Variants in DCLK1 observed in about 807,000 individuals in gnomAD.
DCLK1 encodes doublecortin like kinase 1.
In DCLK1, 16 loss-of-function variants were observed where a neutral mutation model predicts 86.2. That is an observed-to-expected ratio of 0.19 (90% CI 0.13 to 0.28). The LOEUF (loss-of-function observed/expected upper bound fraction) is 0.28, where lower values mean the gene tolerates loss of function less well. DCLK1 is among the 10% of genes least tolerant of loss of function. The pLI is 1.00. For missense variants in DCLK1, 590 were observed against 940.2 expected (o/e 0.63, Z 4.87); for synonymous variants, 369 against 370.5 (o/e 1.00, Z 0.05).
At position 35,786,063 on chromosome 13, in the gene DCLK1, AAG is replaced by A. The variant is rs543968748; in HGVS notation, c.2058+7301_2058+7302del. 1.1e-4 allele frequency among the ~76,000 whole-genome samples: 17 copies of A among 152,260 alleles called. No homozygotes were observed. In the South Asian group the frequency reaches 3.5e-3, roughly 32 times the overall value. On this transcript the variant is annotated intron_variant, in intron 16 of 16. Transcript: ENST00000360631. ...AGAGCACTTTATGTGCGCAAGAAAA[AAG>A]AGATTATCTCCCATCTGCTCCTGCC...
intron 6 of DCLK1, chr13:35,847,861 A>G (rs1870327167): frequency 1.0e-6 from 1 of 985,304 alleles, no homozygotes; most frequent in Non-Finnish European, 1.2e-6. Flanking sequence ...TTAAAATTCT[A>G]TGGCAGTACA....
chr13:35,873,215 T>C (rs78718056), intron 4 of DCLK1, among the ~76,000 whole-genome samples: 1 of 151,918 alleles, frequency 6.6e-6, no homozygotes, highest in Non-Finnish European at 1.5e-5. Flanking sequence ...GGAGAATCAC[T>C]TGAATCTGGA....
intron 5 of DCLK1, among the ~76,000 whole-genome samples, chr13:35,870,803 G>C (rs947193150): frequency 6.6e-6 from 1 of 152,044 alleles, no homozygotes; most frequent in Non-Finnish European, 1.5e-5. Context: ...TTTAGCTCCA[G>C]AGCCATGAAA....
At chr13:36,121,556 A>T (rs1299104022) in intron 2 of DCLK1, among the ~76,000 whole-genome samples, 1 of 149,168 alleles carries the variant, frequency 6.7e-6, no homozygotes, top group African/African-American at 2.5e-5. Flanking sequence ...TAATTGTTCC[A>T]TTGTATTTGT....
chr13:35,818,793 T>C (rs2087328054), intron 11 of DCLK1, among the ~76,000 whole-genome samples: 2 of 151,852 alleles, frequency 1.3e-5, no homozygotes, highest in African/African-American at 2.4e-5. Context: ...GTATTAATTT[T>C]TTTTTTTTTA....
chr13:35,950,351 C>CA (rs1293918911), intron 3 of DCLK1, among the ~76,000 whole-genome samples: 1 of 152,162 alleles, frequency 6.6e-6, no homozygotes. Flanking sequence ...GAAAGAATAA[C>CA]AGAGGGAGAT....
At chr13:36,089,185 CT>C (rs760797902) in intron 3 of DCLK1, among the ~76,000 whole-genome samples, 1 of 152,136 alleles carries the variant, frequency 6.6e-6, no homozygotes, top group Admixed American at 6.5e-5. Context: ...TTCAATGGGC[CT>C]GATTTCTGCC....
At chr13:35,838,973 A>C (rs1263184442) in intron 7 of DCLK1, 119 bp downstream of exon 7, 18 of 853,740 alleles carry the variant, frequency 2.1e-5, no homozygotes. Context: ...CTTGTGATTG[A>C]CCCTCAGGAG....
intron 3 of DCLK1, 127 bp downstream of exon 3, chr13:36,111,742 A>C (rs946100432): frequency 1.1e-5 from 8 of 733,216 alleles, no homozygotes; most frequent in South Asian, 7.6e-5. Flanking sequence ...CAGCAAGTAC[A>C]TATTTGTTGA....
At chr13:35,996,255 A>G (rs1880472213) in intron 3 of DCLK1, among the ~76,000 whole-genome samples, 1 of 152,214 alleles carries the variant, frequency 6.6e-6, no homozygotes, top group Non-Finnish European at 1.5e-5. Context: ...AAATAAAATC[A>G]TCAGTGCTTT....
At chr13:35,791,736 TAAA>T (rs2086710956) in intron 16 of DCLK1, among the ~76,000 whole-genome samples, 1 of 150,984 alleles carries the variant, frequency 6.6e-6, no homozygotes, top group African/African-American at 2.4e-5. Flanking sequence ...CTGATTAAAA[TAAA>T]AGACCAGGAA....
chr13:36,092,526 G>A lies in DCLK1; in HGVS notation c.723+19343C>T, dbSNP rs1212774533. On this transcript the variant is annotated intron_variant, in intron 3 of 16. Coordinates refer to ENST00000360631, the MANE Select transcript of DCLK1 (RefSeq NM_001330071.2). ...TTTTGAGACAGAGTCTCACTCTGTC[G>A]CCCAGGCTGGAGTGCAGTGGCGGGA... Among the ~76,000 whole-genome samples, 154 of 106,434 alleles carry A rather than the reference G, an allele frequency of 1.4e-3. 1 individual carries two copies. Among genetic ancestry groups the A allele is most frequent in the Non-Finnish European group, 1.9e-3 (112 of 57,768 alleles). The allele number at this position is 106,434 out of a possible 152,430, so 69.8% of individuals were successfully genotyped here. A position where few individuals can be genotyped will look rare whatever the true frequency, so the allele number is the denominator to read the frequency against.
chr13:36,048,727 C>G (rs1883018701), intron 3 of DCLK1, among the ~76,000 whole-genome samples: 1 of 152,150 alleles, frequency 6.6e-6, no homozygotes, highest in Admixed American at 6.5e-5. Flanking sequence ...AAGCTGTGTG[C>G]TCCTGGGAAA....
intron 10 of DCLK1, among the ~76,000 whole-genome samples, chr13:35,826,561 A>G (rs1176605814): frequency 1.5e-5 from 1 of 65,498 alleles, no homozygotes; most frequent in Non-Finnish European, 3.8e-5. Flanking sequence ...GAAAGAAAGA[A>G]ACAAGTCCTA....
intron 3 of DCLK1, among the ~76,000 whole-genome samples, chr13:36,050,925 TA>T (rs1484614965): frequency 1.3e-5 from 2 of 152,022 alleles, no homozygotes; most frequent in Non-Finnish European, 2.9e-5. Context: ...GTAGGTCATG[TA>T]AAAAACATGA....
intron 3 of DCLK1, among the ~76,000 whole-genome samples, chr13:36,041,749 T>C (rs566419178): frequency 6.6e-6 from 1 of 152,322 alleles, no homozygotes; most frequent in Admixed American, 6.5e-5. Flanking sequence ...ATACACACTC[T>C]TGTACACATG....
intron 6 of DCLK1, among the ~76,000 whole-genome samples, chr13:35,851,857 G>A (rs1027626994): frequency 2.0e-5 from 3 of 152,260 alleles, no homozygotes; most frequent in Admixed American, 2.0e-4. Context: ...ATCAAATTTT[G>A]TAATTAATAT....
intron 3 of DCLK1, among the ~76,000 whole-genome samples, chr13:35,993,629 C>T (rs1416875412): frequency 1.3e-5 from 2 of 152,136 alleles, no homozygotes; most frequent in Non-Finnish European, 2.9e-5. Flanking sequence ...CCAGTACCTG[C>T]CGTGCCTTCA....
intron 3 of DCLK1, among the ~76,000 whole-genome samples, chr13:35,965,860 C>G (rs1214685063): frequency 6.6e-6 from 1 of 151,918 alleles, no homozygotes; most frequent in East Asian, 1.9e-4. Flanking sequence ...CAAATAAAAA[C>G]AAGAACAATA....
Sources: allele counts gnomAD v4.1 joint callset (sites outside exome capture counted in the v4.1 genomes callset), GRCh38; gene constraint gnomAD v4.1.1; transcripts MANE v1.5; gene names NCBI Gene and HGNC (gene_info 2026-07-23, HGNC 2026-07-21).